COL4A2: variants seen among roughly 807,000 people sequenced by gnomAD.
COL4A2 encodes collagen type IV alpha 2 chain, also known as collagen alpha-2(IV) chain.
Under a neutral mutation model 200.2 loss-of-function variants are expected in COL4A2, and 99 were observed. The observed-to-expected ratio is 0.49, with a 90% CI of 0.42 to 0.58. The LOEUF (loss-of-function observed/expected upper bound fraction) is 0.58. Ranked by LOEUF, COL4A2 falls within the 20% of genes least tolerant of loss-of-function variation. The pLI is 0.00. For synonymous variants in COL4A2, 897 were observed against 900.6 expected (o/e 1.00, Z 0.07); for missense variants, 1,950 against 2,314.1 (o/e 0.84, Z 3.23).
intron 7 of COL4A2, among the ~76,000 whole-genome samples, chr13:110,429,559 A>G (rs904645561): frequency 6.6e-6 from 1 of 152,242 alleles, no homozygotes; most frequent in Non-Finnish European, 1.5e-5. Context: ...GAAAGCACGT[A>G]ATAGTATTAT....
chr13:110,453,638 A>C (rs1881621050), intron 20 of COL4A2, among the ~76,000 whole-genome samples: 1 of 152,238 alleles, frequency 6.6e-6, no homozygotes, highest in African/African-American at 2.4e-5. Context: ...TTGCTTAGTA[A>C]ATCCGTGGTT....
At chr13:110,415,108 G>A (rs755498703) in intron 4 of COL4A2, among the ~76,000 whole-genome samples, 2 of 152,176 alleles carry the variant, frequency 1.3e-5, no homozygotes, top group Admixed American at 1.3e-4. Context: ...GGGTTGGACC[G>A]AGGTTTGGAG....
chr13:110,479,465 A>AGGC (rs1555331862), intron 30 of COL4A2, among the ~76,000 whole-genome samples: 12 of 9,886 alleles, frequency 1.2e-3, no homozygotes, highest in South Asian at 5.0e-3. Context: ...CAGAGGCAGA[A>AGGC]TTGCCCAGGG....
Position 110,426,115 on chromosome 13 carries a change from A to G in COL4A2, c.360+1118A>G, listed in dbSNP as rs547324726. Reference sequence around the variant, plus strand: ...CAGAAATGAAGAATCTGCACAACCCAAAGATTAAACAAATTAGGAAAGTAT... The same window carrying G: ...CAGAAATGAAGAATCTGCACAACCCGAAGATTAAACAAATTAGGAAAGTAT... On this transcript the variant is annotated intron_variant, in intron 6 of 47. Transcript: ENST00000360467. Among the ~76,000 whole-genome samples, 5 of 152,352 alleles carry G rather than the reference A, an allele frequency of 3.3e-5. No individual in the cohort carries two copies. The East Asian group carries it at 7.7e-4, about 24-fold the overall frequency.
At chr13:110,496,597 A>G (rs775401077) in intron 40 of COL4A2, among the ~76,000 whole-genome samples, 16 of 149,090 alleles carry the variant, frequency 1.1e-4, no homozygotes, top group Non-Finnish European at 1.6e-4. Flanking sequence ...GTCAGAGTTG[A>G]GGATCTAGGG....
intron 16 of COL4A2, 141 bp from the exon 17 acceptor site, chr13:110,445,687 AG>A (rs1881294330): frequency 1.8e-6 from 2 of 1,111,688 alleles, no homozygotes; most frequent in Non-Finnish European, 2.6e-6. Flanking sequence ...GACCCAAGTC[AG>A]GGAAAATTGA....
intron 4 of COL4A2, among the ~76,000 whole-genome samples, chr13:110,399,216 C>G (rs1314709800): frequency 2.0e-5 from 3 of 152,168 alleles, no homozygotes; most frequent in African/African-American, 7.2e-5. Flanking sequence ...CACAGGAGCC[C>G]AAGGTTAAAC....
chr13:110,415,414 G>A lies in COL4A2; in HGVS notation c.181-9320G>A, dbSNP rs114492506. Among the ~76,000 whole-genome samples, 1,056 of 152,278 alleles carry A rather than the reference G, an allele frequency of 6.9e-3. 7 individuals carry two copies. The highest frequency in any genetic ancestry group is 0.024 in the African/African-American group (1,002 of 41,558). On this transcript the variant is annotated intron_variant, in intron 4 of 47. Transcript: ENST00000360467. The stretch of plus-strand genomic sequence containing the variant: ...GCATTTTGTAACAACAGAAAAGGTG[G>A]AGTTCTATTTAAAGCATGTCCTATT...
At chr13:110,371,263 C>G (rs1475376462) in intron 4 of COL4A2, among the ~76,000 whole-genome samples, 1 of 152,142 alleles carries the variant, frequency 6.6e-6, no homozygotes, top group East Asian at 1.9e-4. Context: ...TTAATTATTC[C>G]TACAATTAAG....
At chr13:110,502,649 A>G (rs414604) in intron 41 of COL4A2, 145,423 of 153,614 alleles carry the variant, frequency 0.95, 69,304 homozygotes, top group East Asian at 1. Flanking sequence ...AAAAGAAGGA[A>G]CTCTTATCAC....
At chr13:110,379,332 A>G (rs1245573548) in intron 4 of COL4A2, among the ~76,000 whole-genome samples, 1 of 152,212 alleles carries the variant, frequency 6.6e-6, no homozygotes, top group African/African-American at 2.4e-5. Flanking sequence ...ACCCTAAGCT[A>G]AGAGGCGAGT....
At chr13:110,335,073 C>G (rs1226522850) in intron 3 of COL4A2, among the ~76,000 whole-genome samples, 2 of 152,114 alleles carry the variant, frequency 1.3e-5, no homozygotes, top group East Asian at 1.9e-4. Flanking sequence ...GGCCGAGCCC[C>G]CAGCCTGTGT....
intron 3 of COL4A2, among the ~76,000 whole-genome samples, chr13:110,351,928 G>A (rs756511640): frequency 7.2e-5 from 11 of 152,180 alleles, no homozygotes; most frequent in South Asian, 2.1e-4. Context: ...CAGCTGAGTA[G>A]GGACTAAGGA....
At chr13:110,468,232 T>G in intron 27 of COL4A2, 1 of 471,464 alleles carries the variant, frequency 2.1e-6, no homozygotes, top group South Asian at 1.5e-5. Context: ...GAGGTATCAT[T>G]TGCACTGTGA....
intron 4 of COL4A2, among the ~76,000 whole-genome samples, chr13:110,420,686 A>C (rs1480161095): frequency 6.6e-6 from 1 of 152,216 alleles, no homozygotes; most frequent in African/African-American, 2.4e-5. Context: ...CTGAGGATGG[A>C]AGTTGATAAG....
At chr13:110,439,767 T>C (rs1881051299) in intron 15 of COL4A2, 22 bp from the exon 16 acceptor site, 1 of 1,613,932 alleles carries the variant, frequency 6.2e-7, no homozygotes, top group Non-Finnish European at 8.5e-7. Flanking sequence ...AGCTGTTTGC[T>C]TCTGTTTTTT....
chr13:110,387,220 C>T (rs1289883409), intron 4 of COL4A2, among the ~76,000 whole-genome samples: 2 of 152,096 alleles, frequency 1.3e-5, no homozygotes, highest in Admixed American at 6.5e-5. Flanking sequence ...GCCCAGGAGA[C>T]AGAGTTAGAC....
intron 47 of COL4A2, among the ~76,000 whole-genome samples, chr13:110,509,882 T>C (rs1884027876): frequency 6.6e-6 from 1 of 152,182 alleles, no homozygotes; most frequent in Non-Finnish European, 1.5e-5. Context: ...AAGTCCCCAT[T>C]GTCCCTGACA....
At chr13:110,381,126 G>A (rs1242513393) in intron 4 of COL4A2, among the ~76,000 whole-genome samples, 3 of 114,326 alleles carry the variant, frequency 2.6e-5, no homozygotes, top group South Asian at 6.3e-4. Flanking sequence ...GTCACAACCA[G>A]AGGCTCTATC....
Sources: gnomAD v4.1 joint callset for allele counts (sites outside exome capture counted in the v4.1 genomes callset) on GRCh38, gnomAD v4.1.1 for gene constraint, MANE v1.5 for transcripts, NCBI Gene and HGNC (gene_info 2026-07-23, HGNC 2026-07-21) for gene names.